Variants in TRPM2 observed in about 807,000 individuals in gnomAD.
TRPM2 encodes transient receptor potential cation channel subfamily M member 2.
TRPM2 carries 161 observed loss-of-function variants against 174.0 expected under a neutral mutation model. That is an observed-to-expected ratio of 0.93 (90% confidence interval 0.81 to 1.05). The LOEUF is 1.05. TRPM2 is among the 50% of genes least tolerant of loss of function. The pLI, the probability that TRPM2 is intolerant of heterozygous loss-of-function variation, is 0.00. For missense variants in TRPM2, 2,057 were observed against 2,038.0 expected (o/e 1.01, Z -0.18); for synonymous variants, 954 against 861.3 (o/e 1.11, Z -1.88).
rs1418005250 is a variant in TRPM2 at position 44,438,751 on chromosome 21, G to A, written c.4168-316G>A. 6.6e-6 allele frequency among the ~76,000 whole-genome samples: 1 copy of A among 152,184 alleles called. No homozygotes were observed. Among genetic ancestry groups the A allele is most frequent in the Non-Finnish European group, 1.5e-5 (1 of 68,010 alleles). On this transcript the variant is annotated intron_variant, in intron 29 of 31. Transcript: ENST00000397928. The surrounding 1 kb of genome is among the most constrained non-coding windows in gnomAD (Gnocchi z 5.9). The stretch of plus-strand genomic sequence containing the variant: ...GGGCGACGCGGGGGCAGGCGCCAGG[G>A]GAGCGGGAAGGGGGTGCCCTGTCAC...
rs868131742 is a variant in TRPM2 at position 44,434,407 on chromosome 21, G to A, written c.3975-724G>A. Reference sequence around the variant, plus strand: ...GAACGCTGGTGGCGGGGATGGTGGCGGGGACGGTGGCAGGGATGCTGTCGG... The same window carrying A: ...GAACGCTGGTGGCGGGGATGGTGGCAGGGACGGTGGCAGGGATGCTGTCGG... On this transcript the variant is annotated intron_variant, in intron 27 of 31. Transcript: ENST00000397928. Among the ~76,000 whole-genome samples, 209 of 151,934 alleles carry A rather than the reference G, an allele frequency of 1.4e-3. 1 individual carries two copies. The highest frequency in any genetic ancestry group is 4.8e-3 in the African/African-American group (199 of 41,408).
intron 5 of TRPM2, among the ~76,000 whole-genome samples, chr21:44,373,388 T>C (rs1002754476): frequency 2.4e-4 from 36 of 152,164 alleles, no homozygotes; most frequent in African/African-American, 8.4e-4. Flanking sequence ...GGTTTCTCCA[T>C]GTTGGCCAGG....
intron 16 of TRPM2, 30 bp from the exon 17 acceptor site, chr21:44,405,112 C>T (rs757364067): frequency 1.9e-6 from 3 of 1,610,602 alleles, no homozygotes; most frequent in Admixed American, 3.3e-5. Flanking sequence ...GACAACCTGT[C>T]TGCCTTCCTA....
chr21:44,401,539 T>C, intron 15 of TRPM2, 142 bp from the exon 16 acceptor site: 1 of 796,076 alleles, frequency 1.3e-6, no homozygotes, highest in Non-Finnish European at 2.0e-6. Context: ...GCTGCCGTTA[T>C]GGCCCCGGAT....
rs935946705 is a variant in TRPM2 at position 44,367,373 on chromosome 21, C to A, written c.604+439C>A. The stretch of plus-strand genomic sequence containing the variant: ...GGGGTCAGCGAGAGTTCCCAGTCAT[C>A]AAGCTTTCCATTATCGTGTTTTTCC... On this transcript the variant is annotated intron_variant, in intron 4 of 31. Coordinates refer to ENST00000397928, the MANE Select transcript of TRPM2 (RefSeq NM_003307.4). This position sits in a 1 kb window ranked among gnomAD's most constrained non-coding sequence, Gnocchi z 4.6. 6.6e-6 allele frequency among the ~76,000 whole-genome samples: 1 copy of A among 152,242 alleles called. No individual in the cohort carries two copies. Among genetic ancestry groups the A allele is most frequent in the African/African-American group, 2.4e-5 (1 of 41,466 alleles).
At chr21:44,352,252 G>T (rs2047939033), upstream of TRPM2, among the ~76,000 whole-genome samples, 1 of 152,224 alleles carries the variant, frequency 6.6e-6, no homozygotes, top group Non-Finnish European at 1.5e-5. Flanking sequence ...TGCAGGAAAA[G>T]GCCGGGCAGG....
rs1601174516 is a variant in TRPM2 at position 44,406,738 on chromosome 21, T to A, written c.2935T>A (p.Phe979Ile). 6.2e-7 allele frequency: 1 copy of A among 1,607,052 alleles called. No individual in the cohort carries two copies. The highest frequency in any genetic ancestry group is 8.5e-7 in the Non-Finnish European group (1 of 1,178,476). Reference sequence around the variant, plus strand: ...CGTCTACCACTCCTACCTCACCATCTTCGGGCAGATCCCGGGCTACATCGA... The same window carrying A: ...CGTCTACCACTCCTACCTCACCATCATCGGGCAGATCCCGGGCTACATCGA... ...GAVYHSYLTI[F>I]GQIPGYIDGV... Residue 979 changes from phenylalanine to isoleucine, a missense_variant, in exon 19 of 32, where the codon TTC becomes ATC. By Grantham distance (21) the Phe-to-Ile change is conservative (BLOSUM62 0). Transcript: ENST00000397928.
intron 2 of TRPM2, among the ~76,000 whole-genome samples, chr21:44,362,348 C>CAAAAAAAAAAAAAAAAAAAAAAAAA (rs57031573): frequency 1.1e-5 from 1 of 89,252 alleles, no homozygotes; most frequent in Non-Finnish European, 2.3e-5. Flanking sequence ...ACTAAAAATA[C>CAAAAAAAAAAAAAAAAAAAAAAAAA]AAAAAAAAAA....
intron 27 of TRPM2, 47 bp from the exon 28 acceptor site, chr21:44,435,083 CT>C (rs2051186256): frequency 6.3e-7 from 1 of 1,578,330 alleles, no homozygotes; most frequent in African/African-American, 1.3e-5. Context: ...CCCTGTCCTG[CT>C]CCCCCATTGG....
intron 22 of TRPM2, among the ~76,000 whole-genome samples, chr21:44,421,461 A>C (rs895046285): frequency 6.6e-6 from 1 of 152,078 alleles, no homozygotes; most frequent in Non-Finnish European, 1.5e-5. Context: ...CTGAGGTTGA[A>C]AAAGCTTAAC....
At chr21:44,406,435 G>C (rs555882474) in intron 18 of TRPM2, among the ~76,000 whole-genome samples, 159 bp from the exon 19 acceptor site, 2 of 152,252 alleles carry the variant, frequency 1.3e-5, no homozygotes, top group Admixed American at 1.3e-4. Flanking sequence ...CAGTCCACGA[G>C]GGTGTGGGGG....
chr21:44,439,238 C>A lies in TRPM2; in HGVS notation c.4269+70C>A. On this transcript the variant is annotated intron_variant, in intron 30 of 31. Transcript: ENST00000397928. The surrounding 1 kb of genome is among the most constrained non-coding windows in gnomAD (Gnocchi z 5.1). ...GCTGCAGGACAAACACAGTGTGATA[C>A]TGGGGACCTGCCCCAGCACCACTGG... 7.0e-7 allele frequency: 1 copy of A among 1,420,550 alleles called. No homozygotes were observed. 88.0% of individuals were successfully genotyped at this position (1,420,550 alleles called of 1,614,324 possible).
intron 29 of TRPM2, among the ~76,000 whole-genome samples, chr21:44,437,904 G>C (rs115555738): frequency 6.6e-6 from 1 of 152,244 alleles, no homozygotes; most frequent in African/African-American, 2.4e-5. Context: ...CATGGCCTCT[G>C]GGGTACAGCC....
At chr21:44,363,869 G>GC (rs2048284111) in intron 2 of TRPM2, among the ~76,000 whole-genome samples, 1 of 152,158 alleles carries the variant, frequency 6.6e-6, no homozygotes, top group East Asian at 1.9e-4. Flanking sequence ...TGAAGTCTAA[G>GC]CCCCCCTGTA....
chr21:44,417,313 C>T (rs1226558592), intron 20 of TRPM2, among the ~76,000 whole-genome samples: 6 of 119,652 alleles, frequency 5.0e-5, no homozygotes, highest in Admixed American at 1.8e-4. Flanking sequence ...GGCACAAGGG[C>T]GTGGCTCTGC....
At chr21:44,355,753 A>T (rs116418248) in intron 2 of TRPM2, among the ~76,000 whole-genome samples, 3,190 of 151,900 alleles carry the variant, frequency 0.021, 91 homozygotes, top group African/African-American at 0.061. Flanking sequence ...ATAGAAGAAG[A>T]CTGTGTTGCC....
chr21:44,387,503 C>G (rs2049047262), intron 9 of TRPM2, among the ~76,000 whole-genome samples: 1 of 152,122 alleles, frequency 6.6e-6, no homozygotes, highest in Non-Finnish European at 1.5e-5. Context: ...GTTTCTTGGC[C>G]ATGACACCTA....
rs768741228 is a variant in TRPM2 at position 44,366,825 on chromosome 21, C to G, written c.495C>G (p.Asp165Glu). 3.1e-6 allele frequency: 5 copies of G among 1,613,930 alleles called. No homozygotes were observed. Among genetic ancestry groups the G allele is most frequent in the South Asian group, 1.1e-5 (1 of 91,044 alleles). The change falls in exon 4 of 32, where the codon GAC becomes GAG. Residue 165 changes from aspartate to glutamate, a missense_variant. Physicochemically the swap from Asp to Glu is conservative, Grantham distance 45. Coordinates refer to ENST00000397928, the MANE Select transcript of TRPM2 (RefSeq NM_003307.4). This position sits in a 1 kb window ranked among gnomAD's most constrained non-coding sequence, Gnocchi z 6.0. ...TCATGACCCAGCACTGGGGGCTGGA[C>G]GTCCCCAATCTCTTGATCTCGGTGA... ...YHLMTQHWGL[D>E]VPNLLISVTG... is the part of the protein sequence containing the mutation.
chr21:44,399,782 G>A lies in TRPM2; in HGVS notation c.2208+341G>A, dbSNP rs763459391. Among the ~76,000 whole-genome samples the A allele has an allele frequency of 5.9e-5, 9 of 152,298 alleles. No individual in the cohort carries two copies. Among genetic ancestry groups the A allele is most frequent in the Middle Eastern group, 3.4e-3 (1 of 294 alleles). ...CCTGGAGGGATAAGCGGGACACGGC[G>A]TGTCCTCCCTGGAGCAGCAGGGGCT... On this transcript the variant is annotated intron_variant, in intron 14 of 31. Transcript: ENST00000397928. This position sits in a 1 kb window ranked among gnomAD's most constrained non-coding sequence, Gnocchi z 4.6.
Sources: allele counts gnomAD v4.1 joint callset (sites outside exome capture counted in the v4.1 genomes callset), GRCh38; gene constraint gnomAD v4.1.1; non-coding constraint Gnocchi (gnomAD v3.1); transcripts MANE v1.5; gene names NCBI Gene and HGNC (gene_info 2026-07-23, HGNC 2026-07-21).